DLG2: variants seen among roughly 807,000 people sequenced by gnomAD.
DLG2 encodes disks large homolog 2.
A neutral mutation model predicts 132.5 loss-of-function variants in DLG2; 45 were observed. The observed-to-expected ratio is 0.34, with a 90% CI of 0.27 to 0.44. The LOEUF (loss-of-function observed/expected upper bound fraction) is 0.44. Ranked by LOEUF, DLG2 falls within the 20% of genes least tolerant of loss-of-function variation. The probability of loss-of-function intolerance (pLI) is 1.00; values close to 1 mark genes in which losing one functional copy is unlikely to be tolerated. For synonymous variants in DLG2, 424 were observed against 419.6 expected, an observed-to-expected ratio of 1.01 and a Z score of -0.13; for missense variants, 1,045 against 1,196.9, an observed-to-expected ratio of 0.87 and a Z score of 1.87.
chr11:85,357,704 T>TTATATATATA (rs58283704), intron 3 of DLG2, among the ~76,000 whole-genome samples: 5 of 106,274 alleles, frequency 4.7e-5, no homozygotes, highest in Admixed American at 2.4e-4. Context: ...CTGTTCTGAA[T>TTATATATATA]TATATATATA....
chr11:84,343,746 A>C (rs1217336563), intron 7 of DLG2, among the ~76,000 whole-genome samples: 1 of 152,230 alleles, frequency 6.6e-6, no homozygotes, highest in African/African-American at 2.4e-5. Flanking sequence ...GAAAAATTTA[A>C]GGTGAAGGTA....
intron 6 of DLG2, among the ~76,000 whole-genome samples, chr11:84,862,712 C>T (rs1478522513): frequency 6.7e-6 from 1 of 149,734 alleles, no homozygotes; most frequent in South Asian, 2.1e-4. Flanking sequence ...AGCAAACTAA[C>T]ACAGGAACAG....
intron 6 of DLG2, among the ~76,000 whole-genome samples, chr11:84,822,734 T>A (rs2077845018): frequency 6.6e-6 from 1 of 151,930 alleles, no homozygotes; most frequent in Admixed American, 6.6e-5. Context: ...TTGACACATG[T>A]CTACACTTTT....
intron 11 of DLG2, among the ~76,000 whole-genome samples, chr11:83,987,157 T>G (rs1345839717): frequency 6.6e-6 from 1 of 152,120 alleles, no homozygotes; most frequent in Non-Finnish European, 1.5e-5. Context: ...AAGGACCTCT[T>G]CAAGGAGAAC....
intron 3 of DLG2, among the ~76,000 whole-genome samples, chr11:85,511,421 G>T (rs1052514078): frequency 6.6e-6 from 1 of 151,850 alleles, no homozygotes; most frequent in African/African-American, 2.4e-5. Context: ...AGAACAGTAA[G>T]AAGACAATAG....
chr11:85,369,764 G>A lies in DLG2; in HGVS notation c.41-84399C>T, dbSNP rs145784136. On this transcript the variant is annotated intron_variant, in intron 3 of 27. Coordinates refer to ENST00000376104, the MANE Select transcript of DLG2 (RefSeq NM_001142699.3). Reference sequence around the variant, plus strand: ...GGTTTTCCTAGCCCTGTCTCTTAAAGGACACCACAACCACTGGGTTTTCTT... The same window carrying A: ...GGTTTTCCTAGCCCTGTCTCTTAAAAGACACCACAACCACTGGGTTTTCTT... Among the ~76,000 whole-genome samples, 267 of 152,238 alleles carry A rather than the reference G, an allele frequency of 1.8e-3. 1 individual carries two copies. Among genetic ancestry groups the A allele is most frequent in the African/African-American group, 6.2e-3 (258 of 41,536 alleles).
At chr11:84,567,854 T>A (rs1180774761) in intron 6 of DLG2, among the ~76,000 whole-genome samples, 1 of 152,154 alleles carries the variant, frequency 6.6e-6, no homozygotes, top group Non-Finnish European at 1.5e-5. Context: ...CTGAAACACC[T>A]GTGTGGCTCT....
chr11:83,583,789 A>G (rs2097026951), intron 19 of DLG2, among the ~76,000 whole-genome samples: 3 of 152,196 alleles, frequency 2.0e-5, no homozygotes, highest in African/African-American at 7.2e-5. Flanking sequence ...TTTCATTAAT[A>G]AAGTAATGAA....
chr11:84,096,858 G>A (rs560599917), intron 10 of DLG2, among the ~76,000 whole-genome samples: 4 of 150,510 alleles, frequency 2.7e-5, no homozygotes, highest in African/African-American at 7.3e-5. Flanking sequence ...CTTATTTCAT[G>A]TGGGAGTATC....
At chr11:84,906,460 G>C (rs746643834) in intron 6 of DLG2, among the ~76,000 whole-genome samples, 1 of 151,410 alleles carries the variant, frequency 6.6e-6, no homozygotes, top group African/African-American at 2.4e-5. Context: ...AGTCAGGGAA[G>C]ACGGGATGAT....
chr11:83,856,372 G>A (rs1011480469), intron 16 of DLG2, among the ~76,000 whole-genome samples: 3 of 152,076 alleles, frequency 2.0e-5, no homozygotes, highest in Non-Finnish European at 4.4e-5. Flanking sequence ...TGGGTCAAAT[G>A]GTATTTCTGA....
intron 21 of DLG2, among the ~76,000 whole-genome samples, chr11:83,513,084 C>T (rs764143485): frequency 3.0e-4 from 45 of 152,286 alleles, no homozygotes; most frequent in African/African-American, 5.1e-4. Flanking sequence ...ATTTCTAGTT[C>T]TAGATCCCTG....
At chr11:85,504,847 A>C (rs904313941) in intron 3 of DLG2, among the ~76,000 whole-genome samples, 2 of 152,232 alleles carry the variant, frequency 1.3e-5, no homozygotes, top group Non-Finnish European at 2.9e-5. Context: ...ATCCATGAGC[A>C]TGGAATGTTC....
At chr11:85,148,092 T>G (rs1049102396) in intron 5 of DLG2, among the ~76,000 whole-genome samples, 1 of 152,210 alleles carries the variant, frequency 6.6e-6, no homozygotes, top group African/African-American at 2.4e-5. Context: ...CTCATTCCTT[T>G]CTATGGTTGC....
chr11:85,099,051 T>G (rs529084076), intron 6 of DLG2, among the ~76,000 whole-genome samples: 3 of 152,208 alleles, frequency 2.0e-5, no homozygotes, highest in Admixed American at 6.5e-5. Flanking sequence ...CAGGACCTCC[T>G]TGAGGAGCTA....
At chr11:84,813,225 G>A (rs1424110056) in intron 6 of DLG2, among the ~76,000 whole-genome samples, 2 of 151,888 alleles carry the variant, frequency 1.3e-5, no homozygotes, top group African/African-American at 4.8e-5. Context: ...CCTGAGGAGT[G>A]GTCCTGGTGT....
chr11:85,459,862 C>T (rs2153055116), intron 3 of DLG2, among the ~76,000 whole-genome samples: 1 of 152,266 alleles, frequency 6.6e-6, no homozygotes, highest in African/African-American at 2.4e-5. Flanking sequence ...AGAGGCCCTG[C>T]CTAGTAAGAA....
chr11:84,680,653 G>A (rs1443988724), intron 6 of DLG2, among the ~76,000 whole-genome samples: 3 of 152,164 alleles, frequency 2.0e-5, no homozygotes. Context: ...GACATATTTA[G>A]ATTCAAATTT....
intron 7 of DLG2, among the ~76,000 whole-genome samples, chr11:84,259,510 A>G (rs1239529702): frequency 4.6e-5 from 7 of 152,136 alleles, no homozygotes; most frequent in Non-Finnish European, 1.0e-4. Flanking sequence ...AGACACGAAC[A>G]GTGCTGAATA....
Sources: gnomAD v4.1 joint callset for allele counts (sites outside exome capture counted in the v4.1 genomes callset) on GRCh38, gnomAD v4.1.1 for gene constraint, MANE v1.5 for transcripts, NCBI Gene and HGNC (gene_info 2026-07-23, HGNC 2026-07-21) for gene names.